The following CSMD1 variants were observed in gnomAD, a reference collection of about 807,000 sequenced individuals.
CSMD1 encodes CUB and Sushi multiple domains 1, also known as CUB and sushi domain-containing protein 1.
CSMD1 carries 213 observed loss-of-function variants against 417.5 expected under a neutral mutation model. The ratio of observed to expected loss-of-function variants is 0.51; its 90% CI spans 0.46 to 0.57. The LOEUF (loss-of-function observed/expected upper bound fraction) is 0.57, where lower values mean the gene tolerates loss of function less well. Among genes scored for constraint, CSMD1 ranks in the 20% least tolerant of loss-of-function variants. CSMD1 has a pLI of 0.00. For missense variants in CSMD1, 6,923 were observed against 4,529.7 expected (o/e 1.53, Z -15.17); for synonymous variants, 2,862 against 1,736.8 (o/e 1.65, Z -16.11).
At chr8:4,907,006 T>A (rs949625124) in intron 1 of CSMD1, among the ~76,000 whole-genome samples, 2 of 152,224 alleles carry the variant, frequency 1.3e-5, no homozygotes, top group Non-Finnish European at 2.9e-5. Context: ...ACTTAATTCA[T>A]CTATATGTCT....
At chr8:4,426,302 T>C (rs915949338) in intron 2 of CSMD1, among the ~76,000 whole-genome samples, 2 of 151,468 alleles carry the variant, frequency 1.3e-5, no homozygotes, top group African/African-American at 2.4e-5. Flanking sequence ...CAAAATTTGT[T>C]GTAGATATAA....
chr8:3,145,043 T>TGTGTGTGTG (rs1818755773), intron 40 of CSMD1, among the ~76,000 whole-genome samples: 1 of 146,714 alleles, frequency 6.8e-6, no homozygotes, highest in Non-Finnish European at 1.5e-5. Context: ...GAGTAAAGAG[T>TGTGTGTGTG]TGTGTGTGTG....
chr8:4,351,698 G>A (rs1436489322), intron 3 of CSMD1, among the ~76,000 whole-genome samples: 1 of 152,152 alleles, frequency 6.6e-6, no homozygotes, highest in Non-Finnish European at 1.5e-5. Flanking sequence ...GAATCCTTAG[G>A]AGGAATTAGC....
At position 4,232,591 on chromosome 8, in the gene CSMD1, T is replaced by A. The variant is rs139425852; in HGVS notation, c.415+187362A>T. On this transcript the variant is annotated intron_variant, in intron 3 of 69. Transcript: ENST00000635120. ...TGAGAAATGTGAATGACTCTTGTGATCCTAACCACAGTGTCATGTCTTGCT... is the reference window on the plus strand; with the variant it reads ...TGAGAAATGTGAATGACTCTTGTGAACCTAACCACAGTGTCATGTCTTGCT... Among the ~76,000 whole-genome samples the A allele has an allele frequency of 2.9e-4, 44 of 152,292 alleles. No individual in the cohort carries two copies. In the East Asian group the frequency reaches 8.3e-3, roughly 29 times the overall value.
At chr8:3,680,331 G>A (rs555330428) in intron 7 of CSMD1, among the ~76,000 whole-genome samples, 157 of 152,030 alleles carry the variant, frequency 1.0e-3, no homozygotes, top group African/African-American at 3.5e-3. Flanking sequence ...TCAAATAGAC[G>A]CAATAAAAAA....
chr8:4,887,365 A>G (rs1334674188), intron 1 of CSMD1, among the ~76,000 whole-genome samples: 1 of 152,058 alleles, frequency 6.6e-6, no homozygotes, highest in Non-Finnish European at 1.5e-5. Context: ...AAATGTATTA[A>G]GGCTTATTTT....
At chr8:3,535,928 G>A (rs1245931156) in intron 10 of CSMD1, among the ~76,000 whole-genome samples, 1 of 152,254 alleles carries the variant, frequency 6.6e-6, no homozygotes, top group East Asian at 1.9e-4. Flanking sequence ...TTCAAGGCTA[G>A]CAGGAGAAGC....
chr8:3,298,228 C>T (rs1563242074), intron 25 of CSMD1, among the ~76,000 whole-genome samples: 1 of 152,130 alleles, frequency 6.6e-6, no homozygotes, highest in South Asian at 2.1e-4. Flanking sequence ...AATTCCTGGC[C>T]TCAGTGTATA....
intron 20 of CSMD1, 128 bp downstream of exon 20, chr8:3,366,904 A>C (rs1256453334): frequency 1.2e-5 from 9 of 759,484 alleles, no homozygotes; most frequent in Non-Finnish European, 1.8e-5. Context: ...AGTTGGAATC[A>C]AGTCACGCAT....
At chr8:3,607,460 T>C (rs142507772) in intron 8 of CSMD1, among the ~76,000 whole-genome samples, 66 of 152,360 alleles carry the variant, frequency 4.3e-4, no homozygotes, top group African/African-American at 1.4e-3. Context: ...AAGACAGTCA[T>C]TGATTCTCAT....
chr8:4,969,418 G>T (rs1041929432), intron 1 of CSMD1, among the ~76,000 whole-genome samples: 2 of 151,760 alleles, frequency 1.3e-5, no homozygotes, highest in African/African-American at 4.8e-5. Flanking sequence ...GGGCAAGTTA[G>T]CATGCATCAT....
chr8:3,229,624 T>A (rs1220672771), intron 27 of CSMD1, among the ~76,000 whole-genome samples: 1 of 152,104 alleles, frequency 6.6e-6, no homozygotes, highest in African/African-American at 2.4e-5. Flanking sequence ...TGTACTAATA[T>A]CATAGGGGGA....
chr8:3,832,455 T>C (rs1378547046), intron 5 of CSMD1, among the ~76,000 whole-genome samples: 1 of 152,228 alleles, frequency 6.6e-6, no homozygotes, highest in Non-Finnish European at 1.5e-5. Flanking sequence ...TTATGTAAGA[T>C]AAGATTTTTT....
chr8:4,027,796 G>C (rs368524189), intron 4 of CSMD1, among the ~76,000 whole-genome samples: 1 of 152,120 alleles, frequency 6.6e-6, no homozygotes, highest in Non-Finnish European at 1.5e-5. Flanking sequence ...AGAAATGGAA[G>C]TAAGGCCAAG....
chr8:4,950,950 G>A (rs769270991), intron 1 of CSMD1, among the ~76,000 whole-genome samples: 1 of 148,404 alleles, frequency 6.7e-6, no homozygotes, highest in Non-Finnish European at 1.5e-5. Context: ...TACAAAACTT[G>A]GAGACTTGTG....
intron 5 of CSMD1, among the ~76,000 whole-genome samples, chr8:3,941,899 T>C (rs1323039442): frequency 6.6e-6 from 1 of 152,130 alleles, no homozygotes; most frequent in African/African-American, 2.4e-5. Context: ...CTTTTAGGAA[T>C]TGGGCCATAC....
At chr8:4,163,387 C>T (rs772098725) in intron 3 of CSMD1, among the ~76,000 whole-genome samples, 3 of 152,194 alleles carry the variant, frequency 2.0e-5, no homozygotes, top group African/African-American at 7.2e-5. Context: ...ATATCCAAGA[C>T]AGCAATCTAC....
intron 5 of CSMD1, among the ~76,000 whole-genome samples, chr8:3,886,524 G>C (rs373399514): frequency 2.6e-5 from 4 of 152,222 alleles, no homozygotes; most frequent in East Asian, 3.9e-4. Context: ...GCTGAAGTTT[G>C]AAAGCAGGCC....
rs144936879 is a variant in CSMD1 at position 4,369,244 on chromosome 8, T to C, written c.415+50709A>G. ...GGTGTCAAGTTCAACTTCCATGTAATTGTATGGCTCTGATGGGTCTTTCTG... is the reference window on the plus strand; with the variant it reads ...GGTGTCAAGTTCAACTTCCATGTAACTGTATGGCTCTGATGGGTCTTTCTG... On this transcript the variant is annotated intron_variant, in intron 3 of 69. Transcript: ENST00000635120. Among the ~76,000 whole-genome samples the C allele has an allele frequency of 7.9e-5, 12 of 152,306 alleles. No individual in the cohort carries two copies. The South Asian group carries it at 1.2e-3, about 16-fold the overall frequency.
Sources: allele counts gnomAD v4.1 joint callset (sites outside exome capture counted in the v4.1 genomes callset), GRCh38; gene constraint gnomAD v4.1.1; transcripts MANE v1.5; gene names NCBI Gene and HGNC (gene_info 2026-07-23, HGNC 2026-07-21).